RPS6KC1: variants seen among roughly 807,000 people sequenced by gnomAD.
The protein encoded by RPS6KC1 is inactive ribosomal protein S6 kinase delta-1.
Under a neutral mutation model 103.8 loss-of-function variants are expected in RPS6KC1, and 54 were observed. The observed-to-expected ratio is 0.52, with a 90% CI of 0.42 to 0.65. The LOEUF (loss-of-function observed/expected upper bound fraction) is 0.65, where lower values mean the gene tolerates loss of function less well. Ranked by LOEUF, RPS6KC1 falls within the 30% of genes least tolerant of loss-of-function variation. The probability of loss-of-function intolerance (pLI) is 0.00; values close to 1 mark genes in which losing one functional copy is unlikely to be tolerated. For missense variants in RPS6KC1, 1,151 were observed against 1,253.8 expected (o/e 0.92, Z 1.24); for synonymous variants, 439 against 438.7 (o/e 1.00, Z -0.01).
intron 1 of RPS6KC1, among the ~76,000 whole-genome samples, chr1:213,057,786 C>T (rs1245970137): frequency 2.5e-4 from 26 of 102,240 alleles, no homozygotes; most frequent in African/African-American, 9.3e-4. Flanking sequence ...TCCTTTGAGA[C>T]AGAGTCTCCC....
chr1:213,442,088 G>A, the RPS6KC1 span, among the ~76,000 whole-genome samples: 1 of 152,198 alleles, frequency 6.6e-6, no homozygotes, highest in African/African-American at 2.4e-5. Context: ...TGTGTGTGTG[G>A]GGAGGTAGGC....
the RPS6KC1 span, among the ~76,000 whole-genome samples, chr1:213,499,458 A>G: frequency 1.3e-5 from 2 of 152,182 alleles, no homozygotes; most frequent in African/African-American, 2.4e-5. Flanking sequence ...GGATGAAACT[A>G]TTCCACCTCA....
At chr1:213,521,771 A>G in the RPS6KC1 span, among the ~76,000 whole-genome samples, 1 of 152,210 alleles carries the variant, frequency 6.6e-6, no homozygotes, top group Non-Finnish European at 1.5e-5. Context: ...CTCCTCATTT[A>G]TTCAAACTTT....
At chr1:213,810,007 A>C in the RPS6KC1 span, among the ~76,000 whole-genome samples, 3 of 152,174 alleles carry the variant, frequency 2.0e-5, no homozygotes, top group Non-Finnish European at 4.4e-5. Flanking sequence ...GCATAAATAC[A>C]CCACAACCAG....
chr1:213,608,107 A>C, the RPS6KC1 span, among the ~76,000 whole-genome samples: 1 of 152,210 alleles, frequency 6.6e-6, no homozygotes, highest in African/African-American at 2.4e-5. Flanking sequence ...CTCTGTTAAA[A>C]ATGAAGACTC....
intron 5 of RPS6KC1, among the ~76,000 whole-genome samples, chr1:213,119,608 T>G (rs2084154230): frequency 6.6e-6 from 1 of 151,280 alleles, no homozygotes; most frequent in South Asian, 2.1e-4. Context: ...GTTATATTCT[T>G]CTGATATCTA....
the RPS6KC1 span, among the ~76,000 whole-genome samples, chr1:213,453,406 C>T: frequency 6.6e-6 from 1 of 151,900 alleles, no homozygotes; most frequent in African/African-American, 2.4e-5. Flanking sequence ...CTTGTGGGGC[C>T]ACCAAATGGA....
chr1:213,692,953 C>T, the RPS6KC1 span, among the ~76,000 whole-genome samples: 21 of 152,194 alleles, frequency 1.4e-4, no homozygotes, highest in Non-Finnish European at 4.4e-5. Flanking sequence ...CTCATGTCTG[C>T]CTGACTGCCT....
At chr1:213,859,002 AT>A in the RPS6KC1 span, among the ~76,000 whole-genome samples, 10 of 152,200 alleles carry the variant, frequency 6.6e-5, no homozygotes, top group African/African-American at 1.9e-4. Flanking sequence ...TGCCATCTGC[AT>A]CGTTTCTCAT....
chr1:213,608,292 A>G, the RPS6KC1 span, among the ~76,000 whole-genome samples: 1 of 152,178 alleles, frequency 6.6e-6, no homozygotes, highest in South Asian at 2.1e-4. Flanking sequence ...CCCAGGTCCC[A>G]GCAGGGGGAA....
the RPS6KC1 span, chr1:213,821,013 C>G: frequency 6.6e-6 from 1 of 152,148 alleles, no homozygotes; most frequent in African/African-American, 2.4e-5. Flanking sequence ...CCTCTCTGAT[C>G]CAAGTTCCTA....
At chr1:213,346,170 A>AT in the RPS6KC1 span, among the ~76,000 whole-genome samples, 1 of 152,160 alleles carries the variant, frequency 6.6e-6, no homozygotes. Flanking sequence ...TAACAAATGT[A>AT]TTTTTTTCTA....
chr1:213,313,354 A>T, the RPS6KC1 span, among the ~76,000 whole-genome samples: 2 of 148,458 alleles, frequency 1.3e-5, no homozygotes, highest in African/African-American at 5.1e-5. Flanking sequence ...TTTTTTTTTT[A>T]ACTCCCCCTA....
chr1:213,297,562 T>G, the RPS6KC1 span, among the ~76,000 whole-genome samples: 2 of 152,314 alleles, frequency 1.3e-5, no homozygotes, highest in East Asian at 3.9e-4. Context: ...TGCCATTTAA[T>G]GAATAAGTAA....
chr1:213,525,089 C>T, the RPS6KC1 span, among the ~76,000 whole-genome samples: 2 of 152,132 alleles, frequency 1.3e-5, no homozygotes, highest in African/African-American at 4.8e-5. Context: ...TGATTTTAAC[C>T]TGAGCTAAAG....
In RPS6KC1 at chr1:213,273,292, A is replaced by G. The variant is rs551848036; in HGVS notation, c.*658A>G. The G allele has an allele frequency of 6.6e-6, 1 of 152,660 alleles. No individual in the cohort carries two copies. The highest frequency in any genetic ancestry group is 6.5e-5 in the Admixed American group (1 of 15,292). The allele number at this position is 152,660 out of a possible 1,614,324, so 9.5% of individuals were successfully genotyped here. On this transcript the variant is annotated 3_prime_UTR_variant, in exon 15 of 15. Coordinates refer to ENST00000366960, the MANE Select transcript of RPS6KC1 (RefSeq NM_012424.6). ...TATAAACACTCACTCTGTGTCTTCA[A>G]CAGCATCTTTCTTTCCCCATCTTTC...
At chr1:213,332,718 C>T in the RPS6KC1 span, among the ~76,000 whole-genome samples, 1 of 152,250 alleles carries the variant, frequency 6.6e-6, no homozygotes, top group South Asian at 2.1e-4. Context: ...TCTGCCCTGA[C>T]CACAGATCAC....
At chr1:213,406,100 C>T in the RPS6KC1 span, among the ~76,000 whole-genome samples, 96 of 152,276 alleles carry the variant, frequency 6.3e-4, no homozygotes, top group African/African-American at 1.7e-3. Context: ...GAAAAGCTGA[C>T]GCAGATGGAG....
the RPS6KC1 span, among the ~76,000 whole-genome samples, chr1:213,669,027 C>T: frequency 6.6e-6 from 1 of 152,206 alleles, no homozygotes; most frequent in African/African-American, 2.4e-5. Context: ...ATATAGACCA[C>T]TCAAACTTTC....
Sources: gnomAD v4.1 joint callset for allele counts (sites outside exome capture counted in the v4.1 genomes callset) on GRCh38, gnomAD v4.1.1 for gene constraint, MANE v1.5 for transcripts, NCBI Gene and HGNC (gene_info 2026-07-23, HGNC 2026-07-21) for gene names.